The following SETD3 variants were observed in gnomAD, a reference collection of about 807,000 sequenced individuals.
The protein encoded by SETD3 is SET domain containing 3, actin N3(tau)-histidine methyltransferase.
A neutral mutation model predicts 63.0 loss-of-function variants in SETD3; 19 were observed. The ratio of observed to expected loss-of-function variants is 0.30; its 90% CI spans 0.21 to 0.44. SETD3 has a LOEUF of 0.44. Ranked by LOEUF, SETD3 falls within the 20% of genes least tolerant of loss-of-function variation. SETD3 has a pLI of 1.00. For missense variants in SETD3, 587 were observed against 728.5 expected, an observed-to-expected ratio of 0.81 and a Z score of 2.24; for synonymous variants, 286 against 264.1, an observed-to-expected ratio of 1.08 and a Z score of -0.80.
chr14:99,410,306 T>C, intron 8 of SETD3: 1 of 1,596,570 alleles, frequency 6.3e-7, no homozygotes, highest in South Asian at 1.1e-5. Context: ...TGTCTGCTAT[T>C]GTAAAAATGG....
chr14:99,400,323 A>C (rs1357163686), intron 11 of SETD3, 64 bp from the exon 12 acceptor site: 5 of 1,494,784 alleles, frequency 3.3e-6, no homozygotes, highest in Non-Finnish European at 4.6e-6. Flanking sequence ...TTGAACAAGC[A>C]ATCTACCTTA....
At chr14:99,481,374 G>C, upstream of SETD3, 1 of 398,708 alleles carries the variant, frequency 2.5e-6, no homozygotes, top group Non-Finnish European at 4.4e-6. Context: ...TCGCTTGGTG[G>C]CGTCTCAGGA....
chr14:99,455,536 T>C (rs192854989), intron 6 of SETD3, among the ~76,000 whole-genome samples: 1 of 152,256 alleles, frequency 6.6e-6, no homozygotes, highest in African/African-American at 2.4e-5. Context: ...TACCTTCTCC[T>C]CACCACAGGA....
chr14:99,455,763 GGAAAAT>G (rs1894722216), intron 6 of SETD3, among the ~76,000 whole-genome samples: 1 of 152,074 alleles, frequency 6.6e-6, no homozygotes, highest in Non-Finnish European at 1.5e-5. Flanking sequence ...ATTTGGGGCT[GGAAAAT>G]GCCTTTTGTA....
intron 1 of SETD3, among the ~76,000 whole-genome samples, chr14:99,470,775 T>C (rs1895657424): frequency 6.6e-6 from 1 of 152,208 alleles, no homozygotes; most frequent in Non-Finnish European, 1.5e-5. Context: ...CAGTATGGTT[T>C]GGCACTAATT....
chr14:99,431,649 C>A (rs1893188945), intron 6 of SETD3, among the ~76,000 whole-genome samples: 1 of 152,106 alleles, frequency 6.6e-6, no homozygotes, highest in African/African-American at 2.4e-5. Context: ...TGCCACCACG[C>A]CCAGCCAATT....
At chr14:99,485,357 C>T (rs1302053037), upstream of SETD3, among the ~76,000 whole-genome samples, 1 of 152,142 alleles carries the variant, frequency 6.6e-6, no homozygotes, top group East Asian at 1.9e-4. Context: ...GATATCTTGG[C>T]ATTATACTTC....
chr14:99,401,987 C>T (rs1247831760), intron 11 of SETD3, among the ~76,000 whole-genome samples: 1 of 149,948 alleles, frequency 6.7e-6, no homozygotes. Flanking sequence ...GGAGCTCCTG[C>T]AGCAGGTGCC....
At chr14:99,435,111 A>G (rs1156989314) in intron 6 of SETD3, among the ~76,000 whole-genome samples, 2 of 152,122 alleles carry the variant, frequency 1.3e-5, no homozygotes, top group African/African-American at 4.8e-5. Flanking sequence ...ACCATTTACC[A>G]CCAGGTACAT....
At chr14:99,444,048 G>T (rs1038869818) in intron 6 of SETD3, among the ~76,000 whole-genome samples, 3 of 152,118 alleles carry the variant, frequency 2.0e-5, no homozygotes, top group Non-Finnish European at 2.9e-5. Context: ...TTTCTACAGG[G>T]AACCTAAGAC....
At chr14:99,425,941 C>G (rs1381268524) in intron 6 of SETD3, among the ~76,000 whole-genome samples, 4 of 152,086 alleles carry the variant, frequency 2.6e-5, no homozygotes. Flanking sequence ...CATTATTTTT[C>G]CTATTTACCT....
chr14:99,417,879 C>G (rs143233815), intron 6 of SETD3, among the ~76,000 whole-genome samples: 1 of 152,076 alleles, frequency 6.6e-6, no homozygotes, highest in African/African-American at 2.4e-5. Flanking sequence ...CATATTTAAC[C>G]TAAAGAATCA....
At chr14:99,459,576 C>G (rs1353542185) in intron 4 of SETD3, among the ~76,000 whole-genome samples, 3 of 152,168 alleles carry the variant, frequency 2.0e-5, no homozygotes, top group Non-Finnish European at 4.4e-5. Context: ...CCAACAAAAA[C>G]CCTAATCTGT....
At chr14:99,459,836 G>A (rs1311018213) in intron 4 of SETD3, among the ~76,000 whole-genome samples, 1 of 152,148 alleles carries the variant, frequency 6.6e-6, no homozygotes, top group African/African-American at 2.4e-5. Context: ...ACAGCAAGAG[G>A]GCAGCTGTCT....
chr14:99,476,848 A>T (rs1895997814), intron 1 of SETD3, among the ~76,000 whole-genome samples: 1 of 152,192 alleles, frequency 6.6e-6, no homozygotes, highest in Admixed American at 6.5e-5. Context: ...CTAAGTGTAT[A>T]TTTTATTAAG....
intron 1 of SETD3, chr14:99,478,873 A>C (rs948401885): frequency 5.3e-5 from 8 of 152,190 alleles, no homozygotes; most frequent in African/African-American, 1.9e-4. Flanking sequence ...AATAGGAAAA[A>C]TATCACCTCC....
chr14:99,472,508 T>C (rs529577474), intron 1 of SETD3, among the ~76,000 whole-genome samples: 2 of 152,316 alleles, frequency 1.3e-5, no homozygotes, highest in East Asian at 3.9e-4. Flanking sequence ...AAATTACAAG[T>C]TTAAACAAAT....
intron 6 of SETD3, among the ~76,000 whole-genome samples, chr14:99,452,461 A>C (rs1894515407): frequency 6.6e-6 from 1 of 152,240 alleles, no homozygotes; most frequent in South Asian, 2.1e-4. Flanking sequence ...AGGTGATCTG[A>C]ACTAAGTGCC....
At chr14:99,438,723 C>A (rs1001071280) in intron 6 of SETD3, among the ~76,000 whole-genome samples, 7 of 152,182 alleles carry the variant, frequency 4.6e-5, no homozygotes, top group African/African-American at 1.2e-4. Flanking sequence ...AGCAAGCAAC[C>A]AAACCAGTGC....
Sources: gnomAD v4.1 joint callset for allele counts (sites outside exome capture counted in the v4.1 genomes callset) on GRCh38, gnomAD v4.1.1 for gene constraint, MANE v1.5 for transcripts, NCBI Gene and HGNC (gene_info 2026-07-23, HGNC 2026-07-21) for gene names.